The following MB21D2 variants were observed in gnomAD, a reference collection of about 807,000 sequenced individuals.
MB21D2 encodes nucleotidyltransferase MB21D2.
In MB21D2, 9 loss-of-function variants were observed where a neutral mutation model predicts 33.3. The ratio of observed to expected loss-of-function variants is 0.27; its 90% CI spans 0.16 to 0.47. The LOEUF (loss-of-function observed/expected upper bound fraction) is 0.47. MB21D2 is among the 20% of genes least tolerant of loss of function. The pLI is 0.99. For synonymous variants in MB21D2, 241 were observed against 236.3 expected (o/e 1.02, Z -0.18); for missense variants, 540 against 624.6 (o/e 0.86, Z 1.44).
At chr3:192,878,425 T>C (rs995363767) in intron 1 of MB21D2, among the ~76,000 whole-genome samples, 1 of 152,182 alleles carries the variant, frequency 6.6e-6, no homozygotes, top group Admixed American at 6.5e-5. Context: ...GCTTAGCAAT[T>C]TCTATGGTAT....
At chr3:192,863,686 G>A (rs1290184672) in intron 1 of MB21D2, among the ~76,000 whole-genome samples, 1 of 152,122 alleles carries the variant, frequency 6.6e-6, no homozygotes, top group East Asian at 1.9e-4. Context: ...AATCCCCAAG[G>A]TGATGATTAT....
At chr3:192,878,917 CTG>C (rs1713500600) in intron 1 of MB21D2, among the ~76,000 whole-genome samples, 2 of 152,166 alleles carry the variant, frequency 1.3e-5, no homozygotes, top group Non-Finnish European at 2.9e-5. Context: ...TGAGTCAAGA[CTG>C]TGCCACTGCA....
rs1014910055 is a variant in MB21D2 at position 192,861,533 on chromosome 3, G to A, written c.211+56097C>T. Among the ~76,000 whole-genome samples, 4 of 152,220 alleles carry A rather than the reference G, an allele frequency of 2.6e-5. No individual in the cohort carries two copies. In the South Asian group the frequency reaches 8.3e-4, roughly 31 times the overall value. Reference sequence around the variant, plus strand: ...AACATAGACCCATTTCGGGCCAGGTGCGGTGGCTCACGCCTGTAATCCCAG... The same window carrying A: ...AACATAGACCCATTTCGGGCCAGGTACGGTGGCTCACGCCTGTAATCCCAG... On this transcript the variant is annotated intron_variant, in intron 1 of 1. Coordinates refer to ENST00000392452, the MANE Select transcript of MB21D2 (RefSeq NM_178496.4).
chr3:192,826,739 C>T (rs1458437744), intron 1 of MB21D2, among the ~76,000 whole-genome samples: 2 of 152,126 alleles, frequency 1.3e-5, no homozygotes, highest in East Asian at 3.8e-4. Flanking sequence ...TAGCTGGACC[C>T]TAAATAGCAC....
At chr3:192,868,786 A>G (rs368367354) in intron 1 of MB21D2, among the ~76,000 whole-genome samples, 2 of 152,162 alleles carry the variant, frequency 1.3e-5, no homozygotes, top group African/African-American at 4.8e-5. Flanking sequence ...CTTTCATACA[A>G]TTCACTGCCA....
intron 1 of MB21D2, among the ~76,000 whole-genome samples, chr3:192,870,341 G>A (rs1442268790): frequency 1.3e-5 from 2 of 152,104 alleles, no homozygotes; most frequent in African/African-American, 2.4e-5. Context: ...TGAGCACGAC[G>A]AGTGAGCACA....
chr3:192,907,303 TC>T (rs1384289849), intron 1 of MB21D2, among the ~76,000 whole-genome samples: 3 of 151,816 alleles, frequency 2.0e-5, no homozygotes, highest in African/African-American at 7.3e-5. Flanking sequence ...ATTTACTCAT[TC>T]CACTCTCAGT....
At chr3:192,880,856 C>A (rs1713544182) in intron 1 of MB21D2, among the ~76,000 whole-genome samples, 1 of 151,902 alleles carries the variant, frequency 6.6e-6, no homozygotes. Context: ...AAATATAAAC[C>A]AATAGGAAAT....
chr3:192,910,676 G>A (rs1481909745), intron 1 of MB21D2, among the ~76,000 whole-genome samples: 2 of 152,164 alleles, frequency 1.3e-5, no homozygotes, highest in Admixed American at 1.3e-4. Context: ...TACCATCCCT[G>A]TTATGTAAAT....
intron 1 of MB21D2, among the ~76,000 whole-genome samples, chr3:192,908,922 T>C (rs1435212201): frequency 1.3e-5 from 2 of 152,122 alleles, no homozygotes; most frequent in Non-Finnish European, 2.9e-5. Flanking sequence ...TAAGTGAATA[T>C]GATAACATCA....
chr3:192,859,302 T>C (rs770299530), intron 1 of MB21D2, among the ~76,000 whole-genome samples: 1 of 152,164 alleles, frequency 6.6e-6, no homozygotes, highest in Non-Finnish European at 1.5e-5. Context: ...CACAGATACA[T>C]GCATACTCTC....
chr3:192,861,320 C>T (rs1286024503), intron 1 of MB21D2, among the ~76,000 whole-genome samples: 7 of 152,142 alleles, frequency 4.6e-5, no homozygotes, highest in African/African-American at 1.2e-4. Flanking sequence ...CCAGCATCTG[C>T]GGGCATCTAA....
intron 1 of MB21D2, among the ~76,000 whole-genome samples, chr3:192,888,097 G>A (rs762475069): frequency 5.3e-5 from 8 of 152,162 alleles, no homozygotes; most frequent in East Asian, 1.9e-4. Flanking sequence ...AAAGTCTCCC[G>A]GCTCCTTTGC....
At chr3:192,834,375 C>T (rs573973977) in intron 1 of MB21D2, among the ~76,000 whole-genome samples, 7 of 133,836 alleles carry the variant, frequency 5.2e-5, no homozygotes, top group Non-Finnish European at 1.1e-4. Context: ...AGTTATGATG[C>T]AAATAAGGAC....
At chr3:192,889,697 T>C (rs1713808819) in intron 1 of MB21D2, among the ~76,000 whole-genome samples, 1 of 152,010 alleles carries the variant, frequency 6.6e-6, no homozygotes, top group Non-Finnish European at 1.5e-5. Flanking sequence ...CAAGCCAAAA[T>C]ACCTAACAAA....
chr3:192,888,432 C>T (rs1242763136), intron 1 of MB21D2, among the ~76,000 whole-genome samples: 6 of 152,066 alleles, frequency 3.9e-5, no homozygotes, highest in African/African-American at 7.3e-5. Flanking sequence ...TTAAAGCACG[C>T]GCGCTCCTAA....
At chr3:192,873,695 T>G (rs1359227715) in intron 1 of MB21D2, among the ~76,000 whole-genome samples, 1 of 151,778 alleles carries the variant, frequency 6.6e-6, no homozygotes, top group African/African-American at 2.4e-5. Context: ...CTTAGTGCAT[T>G]TCTTTTTTTG....
chr3:192,859,334 T>C (rs1186542496), intron 1 of MB21D2, among the ~76,000 whole-genome samples: 1 of 152,092 alleles, frequency 6.6e-6, no homozygotes, highest in African/African-American at 2.4e-5. Flanking sequence ...TGTCTCTCAA[T>C]CTCTCCCTCC....
At chr3:192,834,232 G>A (rs936144682) in intron 1 of MB21D2, among the ~76,000 whole-genome samples, 7 of 151,440 alleles carry the variant, frequency 4.6e-5, no homozygotes, top group African/African-American at 1.7e-4. Flanking sequence ...TAGGAGAATC[G>A]CTTGAACCCA....
Sources: allele counts gnomAD v4.1 joint callset (sites outside exome capture counted in the v4.1 genomes callset), GRCh38; gene constraint gnomAD v4.1.1; transcripts MANE v1.5; gene names NCBI Gene and HGNC (gene_info 2026-07-23, HGNC 2026-07-21).